Variants in OSBPL10 observed in about 807,000 individuals in gnomAD.
OSBPL10 encodes the protein oxysterol-binding protein-related protein 10.
In OSBPL10, 49 loss-of-function variants were observed where a neutral mutation model predicts 81.7. The observed-to-expected ratio is 0.60, with a 90% CI of 0.48 to 0.76. The LOEUF is 0.76. Ranked by LOEUF, OSBPL10 falls within the 30% of genes least tolerant of loss-of-function variation. The pLI, the probability that OSBPL10 is intolerant of heterozygous loss-of-function variation, is 0.00. For synonymous variants in OSBPL10, 419 were observed against 383.6 expected (o/e 1.09, Z -1.08); for missense variants, 923 against 987.8 (o/e 0.93, Z 0.88).
chr3:31,661,913 GGGGGTGCACT>G lies in OSBPL10; in HGVS notation c.*149_*158del. Reference sequence around the variant, plus strand: ...TAAATTCATTCCTCTAGCAGAGTGTGGGGGTGCACTTTTCATAGTATATAATTTCTCTCTC... The same window carrying G: ...TAAATTCATTCCTCTAGCAGAGTGTGTTTCATAGTATATAATTTCTCTCTC... On this transcript the variant is annotated 3_prime_UTR_variant, in exon 12 of 12. Transcript: ENST00000396556. 9.5e-7 allele frequency: 1 copy of G among 1,055,480 alleles called. No individual in the cohort carries two copies. Among genetic ancestry groups the G allele is most frequent in the East Asian group, 2.5e-5 (1 of 39,878 alleles). The allele number at this position is 1,055,480 out of a possible 1,614,324, so 65.4% of individuals were successfully genotyped here. A position where few individuals can be genotyped will look rare whatever the true frequency, so the allele number is the denominator to read the frequency against.
intron 4 of OSBPL10, among the ~76,000 whole-genome samples, chr3:31,812,485 A>C (rs1484319161): frequency 6.6e-6 from 1 of 152,228 alleles, no homozygotes. Context: ...GATATCTCAC[A>C]AGTTGATCTA....
At chr3:32,027,581 T>C (rs1277561229) in intron 2 of OSBPL10, among the ~76,000 whole-genome samples, 3 of 152,244 alleles carry the variant, frequency 2.0e-5, no homozygotes, top group Non-Finnish European at 4.4e-5. Context: ...TTCAGTAAGT[T>C]TAACTCAAAA....
intron 3 of OSBPL10, among the ~76,000 whole-genome samples, chr3:31,832,334 T>C (rs74931687): frequency 0.19 from 28,939 of 152,186 alleles, 2,864 homozygotes; most frequent in Middle Eastern, 0.22. Flanking sequence ...CTACTTTTTA[T>C]ATTCTTTCAC....
chr3:32,064,431 C>T lies in OSBPL10; in HGVS notation n.185+12965G>A, dbSNP rs2125443843. ...CCATCTTTTCAGGAGTGTTAGATGT[C>T]AACCTGAAATAATCAAAAGGGTCAG... is the stretch of plus-strand genomic sequence containing the variant. On this transcript the variant is annotated intron_variant and non_coding_transcript_variant, in intron 1 of 3. Coordinates refer to the OSBPL10 transcript ENST00000479173. 2 of 93,310 alleles carry T rather than the reference C, an allele frequency of 2.1e-5. 1 individual carries two copies. The highest frequency in any genetic ancestry group is 5.7e-5 in the Non-Finnish European group (2 of 34,884). The allele number at this position is 93,310 out of a possible 1,614,324, so 5.8% of individuals were successfully genotyped here. A position where few individuals can be genotyped will look rare whatever the true frequency, so the allele number is the denominator to read the frequency against.
At chr3:31,898,652 TAC>T (rs1314253432) in intron 1 of OSBPL10, among the ~76,000 whole-genome samples, 1 of 151,542 alleles carries the variant, frequency 6.6e-6, no homozygotes, top group Non-Finnish European at 1.5e-5. Context: ...AAAACAGATA[TAC>T]AGATATACGG....
chr3:31,847,766 G>T (rs1444243705), intron 3 of OSBPL10, among the ~76,000 whole-genome samples: 1 of 152,102 alleles, frequency 6.6e-6, no homozygotes, highest in East Asian at 1.9e-4. Flanking sequence ...ACAGCAGAAA[G>T]AACAGCCAAG....
intron 1 of OSBPL10, among the ~76,000 whole-genome samples, chr3:31,928,550 G>A (rs1171754656): frequency 2.6e-5 from 4 of 152,040 alleles, no homozygotes; most frequent in Non-Finnish European, 5.9e-5. Context: ...CGAGGCAGGC[G>A]GGTTACTTGA....
chr3:32,030,682 G>C lies in OSBPL10; in HGVS notation n.298+15809C>G. 2.0e-6 allele frequency: 2 copies of C among 1,014,718 alleles called. 1 individual carries two copies. The highest frequency in any genetic ancestry group is 2.5e-5 in the South Asian group (2 of 78,546). The allele number at this position is 1,014,718 out of a possible 1,614,324, so 62.9% of individuals were successfully genotyped here. A position where few individuals can be genotyped will look rare whatever the true frequency, so the allele number is the denominator to read the frequency against. On this transcript the variant is annotated intron_variant and non_coding_transcript_variant, in intron 2 of 3. Coordinates refer to the OSBPL10 transcript ENST00000479173. ...TCCCTATGAATTCATGGCATAATAG[G>C]TGTTAAAAAAAATAAAAGACCTCTG...
chr3:31,685,476 G>C (rs1344409287), intron 7 of OSBPL10, among the ~76,000 whole-genome samples: 1 of 152,132 alleles, frequency 6.6e-6, no homozygotes, highest in Non-Finnish European at 1.5e-5. Context: ...CAGTTATCGG[G>C]TATTAATAAT....
At chr3:31,828,177 T>A (rs571492108) in intron 4 of OSBPL10, among the ~76,000 whole-genome samples, 26 of 152,370 alleles carry the variant, frequency 1.7e-4, no homozygotes, top group African/African-American at 6.0e-4. Flanking sequence ...TACATAAAAG[T>A]GAAATGATGG....
intron 2 of OSBPL10, among the ~76,000 whole-genome samples, chr3:32,033,539 C>T (rs1194190203): frequency 2.0e-5 from 3 of 152,056 alleles, no homozygotes; most frequent in African/African-American, 4.8e-5. Flanking sequence ...ATAAGAATAT[C>T]CAGATACAAA....
At chr3:31,799,226 G>A (rs1249941180) in intron 4 of OSBPL10, among the ~76,000 whole-genome samples, 2 of 151,838 alleles carry the variant, frequency 1.3e-5, no homozygotes, top group Non-Finnish European at 2.9e-5. Flanking sequence ...GATATGCCAA[G>A]ACCAAACAGA....
At chr3:31,670,346 C>G (rs1700291582) in intron 9 of OSBPL10, among the ~76,000 whole-genome samples, 1 of 152,210 alleles carries the variant, frequency 6.6e-6, no homozygotes, top group Non-Finnish European at 1.5e-5. Context: ...CCTTCAATTA[C>G]TTAGGCTTGG....
chr3:31,736,346 A>G (rs1697174870), intron 5 of OSBPL10, among the ~76,000 whole-genome samples: 1 of 152,230 alleles, frequency 6.6e-6, no homozygotes, highest in Admixed American at 6.5e-5. Context: ...TCCATATAGC[A>G]GCACTTCATG....
At chr3:32,037,183 C>T (rs1040003118) in intron 2 of OSBPL10, among the ~76,000 whole-genome samples, 1 of 152,194 alleles carries the variant, frequency 6.6e-6, no homozygotes. Flanking sequence ...ACAGAGAGAA[C>T]AGGAACTGCG....
At chr3:31,916,908 T>G (rs1480397101) in intron 1 of OSBPL10, among the ~76,000 whole-genome samples, 1 of 152,280 alleles carries the variant, frequency 6.6e-6, no homozygotes, top group Non-Finnish European at 1.5e-5. Context: ...ATAAATGTTT[T>G]TATTGTAAGC....
In OSBPL10 at chr3:31,813,163, T is replaced by C. The variant is rs79537372; in HGVS notation, c.729+16877A>G. ...ATAATCATCAAAGAATGAAAGTAGCTGGAGGAAAGAAAAACCTTCAGAAAG... is the reference window on the plus strand; with the variant it reads ...ATAATCATCAAAGAATGAAAGTAGCCGGAGGAAAGAAAAACCTTCAGAAAG... On this transcript the variant is annotated intron_variant, in intron 4 of 11. Coordinates refer to ENST00000396556, the MANE Select transcript of OSBPL10 (RefSeq NM_017784.5). 8.6e-3 allele frequency among the ~76,000 whole-genome samples: 1,310 copies of C among 152,348 alleles called. 14 individuals are homozygous for C. The highest frequency in any genetic ancestry group is 0.034 in the Middle Eastern group (10 of 294).
intron 4 of OSBPL10, among the ~76,000 whole-genome samples, chr3:31,808,242 GA>G (rs1699570895): frequency 6.6e-6 from 1 of 152,306 alleles, no homozygotes; most frequent in African/African-American, 2.4e-5. Context: ...GGGAAAGGGG[GA>G]GAAAGGACGA....
At chr3:31,730,993 G>C (rs1040101657) in intron 6 of OSBPL10, among the ~76,000 whole-genome samples, 1 of 152,132 alleles carries the variant, frequency 6.6e-6, no homozygotes, top group Non-Finnish European at 1.5e-5. Context: ...TTAACCTTTA[G>C]GAATTTCACT....
Sources: allele counts gnomAD v4.1 joint callset (sites outside exome capture counted in the v4.1 genomes callset), GRCh38; gene constraint gnomAD v4.1.1; transcripts MANE v1.5; gene names NCBI Gene and HGNC (gene_info 2026-07-23, HGNC 2026-07-21).